Variants in EVC observed in about 807,000 individuals in gnomAD.
EVC encodes the protein evC complex member EVC.
Under a neutral mutation model 118.9 loss-of-function variants are expected in EVC, and 116 were observed. The ratio of observed to expected loss-of-function variants is 0.98; its 90% CI spans 0.84 to 1.14. The LOEUF is 1.14. Ranked by LOEUF, EVC falls within the 50% of genes most tolerant of loss-of-function variation. EVC has a pLI of 0.00. For missense variants in EVC, 1,401 were observed against 1,246.4 expected, an observed-to-expected ratio of 1.12 and a Z score of -1.87; for synonymous variants, 619 against 534.7, an observed-to-expected ratio of 1.16 and a Z score of -2.18.
chr4:5,754,041 C>T lies in EVC; in HGVS notation c.1464+108C>T, dbSNP rs1166784534. On this transcript the variant is annotated intron_variant, in intron 10 of 20. Coordinates refer to ENST00000264956, the MANE Select transcript of EVC (RefSeq NM_153717.3). The surrounding 1 kb of genome is among the most constrained non-coding windows in gnomAD (Gnocchi z 5.8). Reference sequence around the variant, plus strand: ...TATTCATCAGGCATGAGGTTATCTGCCTACTTCCCATGTGTCAGCCGAGTG... The same window carrying T: ...TATTCATCAGGCATGAGGTTATCTGTCTACTTCCCATGTGTCAGCCGAGTG... The T allele has an allele frequency of 4.2e-6, 6 of 1,421,180 alleles. No individual in the cohort carries two copies. The highest frequency in any genetic ancestry group is 5.9e-6 in the Non-Finnish European group (6 of 1,015,516). 88.0% of individuals were successfully genotyped at this position (1,421,180 alleles called of 1,614,324 possible).
At chr4:5,805,937 A>G (rs1318308772) in intron 17 of EVC, among the ~76,000 whole-genome samples, 16 of 138,346 alleles carry the variant, frequency 1.2e-4, no homozygotes, top group African/African-American at 4.2e-4. Context: ...ATTTTGTGAC[A>G]TAGCTATATT....
At chr4:5,799,033 A>G (rs1341655236) in intron 15 of EVC, among the ~76,000 whole-genome samples, 1 of 152,148 alleles carries the variant, frequency 6.6e-6, no homozygotes, top group East Asian at 1.9e-4. Flanking sequence ...GCGCTGCATC[A>G]TCCTGAGCAC....
intron 13 of EVC, among the ~76,000 whole-genome samples, chr4:5,795,545 G>C (rs527771330): frequency 3.9e-5 from 6 of 152,306 alleles, no homozygotes; most frequent in South Asian, 2.1e-4. Context: ...CCAGCTACTT[G>C]GGAGACTGAG....
At position 5,711,445 on chromosome 4, in the gene EVC, G is replaced by A; in HGVS notation, c.65G>A (p.Arg22Gln). 1 of 1,025,408 alleles carries A rather than the reference G, an allele frequency of 9.8e-7. No individual in the cohort carries two copies. The highest frequency in any genetic ancestry group is 1.2e-6 in the Non-Finnish European group (1 of 859,184). 63.5% of individuals were successfully genotyped at this position (1,025,408 alleles called of 1,614,324 possible). A position where few individuals can be genotyped will look rare whatever the true frequency, so the allele number is the denominator to read the frequency against. The change falls in exon 1 of 21, where the codon CGG (arginine) becomes CAG (glutamine). Residue 22 changes from arginine (R) to glutamine (Q), a missense_variant. Arg to Gln is a conservative substitution (Grantham distance 43). Coordinates refer to ENST00000264956, the MANE Select transcript of EVC (RefSeq NM_153717.3). The stretch of plus-strand genomic sequence containing the variant: ...CTGCTGCTGGGGCGGGACGCGCTGC[G>A]GCCGGCGCCCGCCCTGCTGGCCCCC... ...ARLLLGRDAL[R>Q]PAPALLAPAV...
chr4:5,728,247 C>A (rs985217485), intron 2 of EVC, among the ~76,000 whole-genome samples: 7 of 152,146 alleles, frequency 4.6e-5, no homozygotes, highest in East Asian at 3.9e-4. Flanking sequence ...CTTATATTTC[C>A]TTGAGCAGTG....
chr4:5,810,297 T>A (rs201476825), intron 19 of EVC, 42 bp from the exon 20 acceptor site: 2 of 1,528,302 alleles, frequency 1.3e-6, no homozygotes, highest in Non-Finnish European at 1.8e-6. Context: ...GTCACTTGTC[T>A]AAAGTCACAG....
intron 2 of EVC, 91 bp from the exon 3 acceptor site, chr4:5,729,216 A>T (rs994849409): frequency 8.5e-7 from 1 of 1,181,512 alleles, no homozygotes; most frequent in Non-Finnish European, 1.3e-6. Context: ...GGCTGCTATT[A>T]CAAATGGGAT....
At chr4:5,779,251 A>G (rs1340503487) in intron 11 of EVC, among the ~76,000 whole-genome samples, 18 of 151,974 alleles carry the variant, frequency 1.2e-4, no homozygotes, top group South Asian at 2.1e-4. Flanking sequence ...TAGCCTTGTA[A>G]TATAGTTTGA....
intron 17 of EVC, among the ~76,000 whole-genome samples, 171 bp downstream of exon 17, chr4:5,805,012 C>A (rs1234116065): frequency 3.3e-5 from 5 of 152,156 alleles, no homozygotes. Flanking sequence ...CCATGCAGCA[C>A]CTGGAGTGGC....
In EVC at chr4:5,798,856, C is replaced by T; in HGVS notation, c.2304+64C>T. 1.3e-6 allele frequency: 2 copies of T among 1,524,542 alleles called. No individual in the cohort carries two copies. The highest frequency in any genetic ancestry group is 1.8e-6 in the Non-Finnish European group (2 of 1,117,544). 94.4% of individuals were successfully genotyped at this position (1,524,542 alleles called of 1,614,324 possible). Reference sequence around the variant, plus strand: ...AGAATGTTCAGGGTAGGGTCCATGCCTGGGTCTGCTCCTTGCCACACCGTT... The same window carrying T: ...AGAATGTTCAGGGTAGGGTCCATGCTTGGGTCTGCTCCTTGCCACACCGTT... On this transcript the variant is annotated intron_variant, in intron 15 of 20. Coordinates refer to ENST00000264956, the MANE Select transcript of EVC (RefSeq NM_153717.3). The surrounding 1 kb of genome is among the most constrained non-coding windows in gnomAD (Gnocchi z 4.1).
At chr4:5,815,352 A>G (rs1717506031), downstream of EVC, among the ~76,000 whole-genome samples, 1 of 152,186 alleles carries the variant, frequency 6.6e-6, no homozygotes, top group Non-Finnish European at 1.5e-5. Flanking sequence ...GCAGACCAAT[A>G]GGAAAAAGAA....
At chr4:5,792,394 T>C (rs956209758) in intron 12 of EVC, among the ~76,000 whole-genome samples, 1 of 152,184 alleles carries the variant, frequency 6.6e-6, no homozygotes, top group Non-Finnish European at 1.5e-5. Flanking sequence ...CAGAAAACTT[T>C]TTTTAGGGAT....
intron 18 of EVC, among the ~76,000 whole-genome samples, chr4:5,808,981 C>T (rs1009932256): frequency 6.6e-6 from 1 of 152,116 alleles, no homozygotes; most frequent in Non-Finnish European, 1.5e-5. Flanking sequence ...CCGATAGGTA[C>T]TTATTGAGGG....
chr4:5,715,669 A>G (rs1723816440), intron 1 of EVC, among the ~76,000 whole-genome samples: 1 of 151,556 alleles, frequency 6.6e-6, no homozygotes, highest in African/African-American at 2.4e-5. Context: ...CTATCTTTAT[A>G]CTTAATTTGG....
At chr4:5,794,887 C>T (rs1713656548) in intron 13 of EVC, among the ~76,000 whole-genome samples, 1 of 152,178 alleles carries the variant, frequency 6.6e-6, no homozygotes, top group African/African-American at 2.4e-5. Flanking sequence ...TTTTTTAACA[C>T]TTGGCCCCCT....
chr4:5,773,942 C>T (rs974133085), intron 11 of EVC, among the ~76,000 whole-genome samples: 2 of 152,022 alleles, frequency 1.3e-5, no homozygotes, highest in East Asian at 1.9e-4. Context: ...CAAAAGTCTC[C>T]CAGGGGCCAG....
At position 5,711,528 on chromosome 4, in the gene EVC, G is replaced by C; in HGVS notation, c.148G>C (p.Ala50Pro). 2 of 1,164,408 alleles carry C rather than the reference G, an allele frequency of 1.7e-6. No individual in the cohort carries two copies. The highest frequency in any genetic ancestry group is 2.1e-6 in the Non-Finnish European group (2 of 944,854). 72.1% of individuals were successfully genotyped at this position (1,164,408 alleles called of 1,614,324 possible). The change falls in exon 1 of 21, where the codon GCG becomes CCG. Residue 50 changes from alanine (A) to proline (P), a missense_variant. By Grantham distance (27) the Ala-to-Pro change is conservative. Coordinates refer to ENST00000264956, the MANE Select transcript of EVC (RefSeq NM_153717.3). Reference sequence around the variant, plus strand: ...CCTCGGCCTTTGGCTTGGCTGCCGCGCGGGCCGCCAGCGCACGCGACACCA... The same window carrying C: ...CCTCGGCCTTTGGCTTGGCTGCCGCCCGGGCCGCCAGCGCACGCGACACCA... The part of the protein sequence containing the change: ...LGLGLWLGCR[A>P]GRQRTRHQKD...
At chr4:5,816,489 G>A (rs1486192708), downstream of EVC, among the ~76,000 whole-genome samples, 1 of 152,118 alleles carries the variant, frequency 6.6e-6, no homozygotes, top group Non-Finnish European at 1.5e-5. Context: ...TGGGCCCCAG[G>A]ACTTCTTGCT....
At position 5,756,787 on chromosome 4, in the gene EVC, C is replaced by T. The variant is rs1051173255; in HGVS notation, c.1563+425C>T. ...TTCCCCTGTGCAACCGTGTGCAGGT[C>T]TGGGGTGGGGAGGTGAAGCTGGCCA... On this transcript the variant is annotated intron_variant, in intron 11 of 20. Transcript: ENST00000264956. The surrounding 1 kb of genome is among the most constrained non-coding windows in gnomAD (Gnocchi z 4.2). Among the ~76,000 whole-genome samples the T allele has an allele frequency of 2.6e-5, 4 of 152,092 alleles. No homozygotes were observed. The highest frequency in any genetic ancestry group is 5.9e-5 in the Non-Finnish European group (4 of 68,008).
Sources: allele counts gnomAD v4.1 joint callset (sites outside exome capture counted in the v4.1 genomes callset), GRCh38; gene constraint gnomAD v4.1.1; non-coding constraint Gnocchi (gnomAD v3.1); transcripts MANE v1.5; gene names NCBI Gene and HGNC (gene_info 2026-07-23, HGNC 2026-07-21).